Variants in HPSE2 observed in about 807,000 individuals in gnomAD.
HPSE2 encodes the protein inactive heparanase-2.
HPSE2 carries 38 observed loss-of-function variants against 60.5 expected under a neutral mutation model. The ratio of observed to expected loss-of-function variants is 0.63; its 90% confidence interval spans 0.48 to 0.82. The LOEUF is 0.82. Among genes scored for constraint, HPSE2 ranks in the 40% least tolerant of loss-of-function variants. The pLI is 0.00. For synonymous variants in HPSE2, 295 were observed against 293.2 expected (o/e 1.01, Z -0.06); for missense variants, 713 against 740.4 (o/e 0.96, Z 0.43).
chr10:98,513,362 A>T (rs10883112), intron 9 of HPSE2, among the ~76,000 whole-genome samples: 1 of 152,060 alleles, frequency 6.6e-6, no homozygotes, highest in Middle Eastern at 3.4e-3. Flanking sequence ...CGGAGCAGCC[A>T]GTGGCAGCAG....
chr10:98,486,826 T>A (rs1364019477), intron 10 of HPSE2, among the ~76,000 whole-genome samples: 1 of 152,184 alleles, frequency 6.6e-6, no homozygotes, highest in Non-Finnish European at 1.5e-5. Flanking sequence ...TTGCCAAACA[T>A]TTTTTCCCTT....
intron 2 of HPSE2, among the ~76,000 whole-genome samples, chr10:99,159,141 CA>C (rs763483948): frequency 6.8e-6 from 1 of 146,574 alleles, no homozygotes. Context: ...ACGAAGCAAG[CA>C]AAAAAAAGAA....
intron 3 of HPSE2, among the ~76,000 whole-genome samples, chr10:98,939,313 T>C (rs1415516671): frequency 7.0e-6 from 1 of 143,574 alleles, no homozygotes; most frequent in Non-Finnish European, 1.5e-5. Context: ...TCAAGACCCA[T>C]CAGTGTGCTG....
intron 3 of HPSE2, among the ~76,000 whole-genome samples, chr10:98,976,213 C>T (rs1253388617): frequency 1.3e-5 from 2 of 152,068 alleles, no homozygotes; most frequent in Non-Finnish European, 2.9e-5. Flanking sequence ...AGGAAAGAGA[C>T]TATACATATA....
the HPSE2 span, among the ~76,000 whole-genome samples, chr10:99,251,969 G>T: frequency 6.6e-6 from 1 of 151,750 alleles, no homozygotes; most frequent in Admixed American, 6.6e-5. Flanking sequence ...AGCCCAGTAG[G>T]CCAAGGCTGC....
chr10:98,636,727 T>C (rs1461986037), intron 7 of HPSE2, among the ~76,000 whole-genome samples: 2 of 152,206 alleles, frequency 1.3e-5, no homozygotes, highest in Non-Finnish European at 2.9e-5. Context: ...CAAAATGCAA[T>C]AATATGGACA....
intron 10 of HPSE2, among the ~76,000 whole-genome samples, chr10:98,486,053 T>C (rs1403652279): frequency 2.0e-5 from 3 of 152,190 alleles, no homozygotes; most frequent in Non-Finnish European, 4.4e-5. Context: ...GACCCACATA[T>C]AGAGGCTCTC....
intron 2 of HPSE2, among the ~76,000 whole-genome samples, chr10:99,202,680 G>A (rs1238724958): frequency 1.3e-5 from 2 of 152,126 alleles, no homozygotes; most frequent in African/African-American, 2.4e-5. Flanking sequence ...ATATAAAGCA[G>A]AGTCCCAGCC....
the HPSE2 span, among the ~76,000 whole-genome samples, chr10:99,279,243 T>C: frequency 2.6e-5 from 4 of 152,162 alleles, no homozygotes; most frequent in African/African-American, 7.2e-5. Flanking sequence ...ACTGATACCA[T>C]GGAAAGTGAT....
intron 2 of HPSE2, among the ~76,000 whole-genome samples, chr10:99,210,558 G>A (rs1417678352): frequency 6.6e-6 from 1 of 152,112 alleles, no homozygotes; most frequent in Admixed American, 6.5e-5. Context: ...AGCACATTAA[G>A]AGAATCATTC....
intron 3 of HPSE2, among the ~76,000 whole-genome samples, chr10:98,899,965 T>C (rs1490409970): frequency 6.6e-6 from 1 of 152,050 alleles, no homozygotes; most frequent in Non-Finnish European, 1.5e-5. Context: ...GTATTTTTAG[T>C]AGAGACAGGG....
chr10:98,709,767 C>T (rs1262519906), intron 5 of HPSE2, among the ~76,000 whole-genome samples: 3 of 152,178 alleles, frequency 2.0e-5, no homozygotes, highest in African/African-American at 7.2e-5. Flanking sequence ...TATTGTTGAG[C>T]CTTCTCTCCC....
chr10:98,846,072 T>C (rs1312961419), intron 3 of HPSE2, among the ~76,000 whole-genome samples: 3 of 152,230 alleles, frequency 2.0e-5, no homozygotes, highest in African/African-American at 7.2e-5. Context: ...CTAGAGTTTA[T>C]TCACCATCAG....
chr10:98,528,011 G>A (rs183600009), intron 9 of HPSE2, among the ~76,000 whole-genome samples: 66 of 152,282 alleles, frequency 4.3e-4, no homozygotes, highest in African/African-American at 1.3e-3. Context: ...GGTATCATTC[G>A]CGGTCAGGTG....
intron 6 of HPSE2, among the ~76,000 whole-genome samples, 160 bp downstream of exon 6, chr10:98,693,740 C>G (rs1948139371): frequency 6.6e-6 from 1 of 152,168 alleles, no homozygotes; most frequent in Admixed American, 6.5e-5. Context: ...TACTATGAGA[C>G]AGTATGTGCC....
chr10:98,824,144 A>T (rs1951488003), intron 3 of HPSE2, among the ~76,000 whole-genome samples: 1 of 152,214 alleles, frequency 6.6e-6, no homozygotes, highest in Admixed American at 6.5e-5. Context: ...AAGAGTGTAT[A>T]CTGTATGATT....
In HPSE2 at chr10:98,794,391, G is replaced by A. The variant is rs113727366; in HGVS notation, c.611-50335C>T. Reference sequence around the variant, plus strand: ...CCTGAGTAGCTGGGATTACAGGTGCGAACCACCATGCCCAGCTATTATTTT... The same window carrying A: ...CCTGAGTAGCTGGGATTACAGGTGCAAACCACCATGCCCAGCTATTATTTT... On this transcript the variant is annotated intron_variant, in intron 3 of 11. Transcript: ENST00000370552. Among the ~76,000 whole-genome samples the A allele has an allele frequency of 8.9e-3, 1,346 of 151,964 alleles. 27 individuals are homozygous for A. Among genetic ancestry groups the A allele is most frequent in the African/African-American group, 0.031 (1,289 of 41,450 alleles).
chr10:98,778,958 G>C (rs1297779833), intron 3 of HPSE2, among the ~76,000 whole-genome samples: 1 of 152,086 alleles, frequency 6.6e-6, no homozygotes, highest in East Asian at 1.9e-4. Context: ...AGGTTTAATG[G>C]ACTTCACTGA....
At chr10:98,581,712 A>G (rs976265517) in intron 9 of HPSE2, among the ~76,000 whole-genome samples, 1 of 152,182 alleles carries the variant, frequency 6.6e-6, no homozygotes, top group Non-Finnish European at 1.5e-5. Context: ...ATAAAACGAA[A>G]TAAAAGTCAG....
Sources: allele counts gnomAD v4.1 joint callset (sites outside exome capture counted in the v4.1 genomes callset), GRCh38; gene constraint gnomAD v4.1.1; transcripts MANE v1.5; gene names NCBI Gene and HGNC (gene_info 2026-07-23, HGNC 2026-07-21).